The following GNG7 variants were observed in gnomAD, a reference collection of about 807,000 sequenced individuals.
The protein encoded by GNG7 is guanine nucleotide-binding protein G(I)/G(S)/G(O) subunit gamma-7.
GNG7 carries 1 observed loss-of-function variant against 4.0 expected under a neutral mutation model. The observed-to-expected ratio is 0.25, with a 90% CI of 0.09 to 1.18. GNG7 has a LOEUF of 1.18. Among genes scored for constraint, GNG7 ranks in the 50% most tolerant of loss-of-function variants. The probability of loss-of-function intolerance (pLI) is 0.50; values close to 1 mark genes in which losing one functional copy is unlikely to be tolerated. For missense variants in GNG7, 86 were observed against 91.9 expected, an observed-to-expected ratio of 0.94 and a Z score of 0.26; for synonymous variants, 34 against 36.9, an observed-to-expected ratio of 0.92 and a Z score of 0.29.
intron 1 of GNG7, among the ~76,000 whole-genome samples, chr19:2,647,811 T>C (rs1372987209): frequency 6.6e-6 from 1 of 152,054 alleles, no homozygotes; most frequent in Admixed American, 6.6e-5. Flanking sequence ...GAGGATCACC[T>C]GAGGTCACGA....
Position 2,540,088 on chromosome 19 carries a change from CTGTT to C in GNG7, c.-38+15057_-38+15060del, listed in dbSNP as rs1011823827. 6.9e-5 allele frequency among the ~76,000 whole-genome samples: 9 copies of C among 130,890 alleles called. No homozygotes were observed. In the East Asian group the frequency reaches 7.8e-4, roughly 11 times the overall value. The allele number at this position is 130,890 out of a possible 152,430, so 85.9% of individuals were successfully genotyped here. A position where few individuals can be genotyped will look rare whatever the true frequency, so the allele number is the denominator to read the frequency against. ...CTCCTCCCTCCCTCTCTCTCTCTCT[CTGTT>C]TCTTTCTCAATTTCTTTCTTTTCTT... On this transcript the variant is annotated intron_variant, in intron 3 of 4. Transcript: ENST00000382159.
intron 2 of GNG7, among the ~76,000 whole-genome samples, chr19:2,639,231 C>CAA (rs61023034): frequency 0.054 from 7,666 of 141,854 alleles, 463 homozygotes; most frequent in African/African-American, 0.15. Context: ...GAGACTCTGT[C>CAA]AAAAAAAAAA....
intron 3 of GNG7, among the ~76,000 whole-genome samples, chr19:2,548,586 C>T (rs1375486424): frequency 4.0e-5 from 6 of 150,796 alleles, no homozygotes; most frequent in African/African-American, 9.8e-5. Flanking sequence ...GTCAGGAGTT[C>T]GATACCAGCC....
intron 1 of GNG7, among the ~76,000 whole-genome samples, chr19:2,698,441 A>C (rs1913324167): frequency 6.6e-6 from 1 of 150,938 alleles, no homozygotes; most frequent in Non-Finnish European, 1.5e-5. Flanking sequence ...GTGTACGCCC[A>C]TAATCCCAGC....
intron 2 of GNG7, among the ~76,000 whole-genome samples, chr19:2,592,698 T>C (rs540300340): frequency 9.4e-5 from 13 of 137,616 alleles, no homozygotes; most frequent in Non-Finnish European, 2.0e-4. Flanking sequence ...GATTGCATCG[T>C]TTCACTCCAG....
At position 2,514,985 on chromosome 19, in the gene GNG7, A is replaced by C; in HGVS notation, c.*37T>G. 1 of 1,343,102 alleles carries C rather than the reference A, an allele frequency of 7.4e-7. No individual in the cohort carries two copies. Among genetic ancestry groups the C allele is most frequent in the Non-Finnish European group, 1.0e-6 (1 of 959,474 alleles). The allele number at this position is 1,343,102 out of a possible 1,614,324, so 83.2% of individuals were successfully genotyped here. ...GACAGAGACAGAGAGAGAGAGAGAG[A>C]AAGAGAGAGAGAGAGAGAGAACATA... On this transcript the variant is annotated 3_prime_UTR_variant, in exon 5 of 5. Transcript: ENST00000382159.
intron 4 of GNG7, among the ~76,000 whole-genome samples, chr19:2,518,028 C>T (rs1414733847): frequency 6.6e-6 from 1 of 152,202 alleles, no homozygotes; most frequent in Non-Finnish European, 1.5e-5. Flanking sequence ...GGAAGCGGCC[C>T]TCCTGGACGA....
intron 2 of GNG7, among the ~76,000 whole-genome samples, chr19:2,585,240 C>T (rs1208810408): frequency 6.6e-6 from 1 of 152,066 alleles, no homozygotes; most frequent in African/African-American, 2.4e-5. Context: ...AATATGCATA[C>T]ATGCACAATT....
intron 2 of GNG7, among the ~76,000 whole-genome samples, chr19:2,588,899 T>A (rs1980757108): frequency 6.6e-6 from 1 of 152,174 alleles, no homozygotes; most frequent in African/African-American, 2.4e-5. Flanking sequence ...CAGCCGTCCC[T>A]TGCTGGCCCT....
intron 2 of GNG7, among the ~76,000 whole-genome samples, chr19:2,608,435 C>A (rs997926398): frequency 2.6e-5 from 4 of 152,190 alleles, no homozygotes; most frequent in African/African-American, 9.7e-5. Flanking sequence ...CCAGCAGGCA[C>A]ACTGACGGCC....
intron 2 of GNG7, among the ~76,000 whole-genome samples, chr19:2,628,304 T>C (rs1337319299): frequency 2.0e-5 from 3 of 152,162 alleles, no homozygotes; most frequent in East Asian, 1.9e-4. Context: ...TGAGCTAGTT[T>C]GGTTATCGGC....
intron 2 of GNG7, chr19:2,642,679 G>C (rs1982540018): frequency 7.3e-6 from 3 of 411,288 alleles, no homozygotes; most frequent in Admixed American, 5.4e-5. Context: ...TTTCTGTAGA[G>C]TTTAGGATAT....
rs187278797 is a variant in GNG7 at position 2,514,609 on chromosome 19, C to T, written c.*413G>A. On this transcript the variant is annotated 3_prime_UTR_variant, in exon 5 of 5. Coordinates refer to ENST00000382159, the MANE Select transcript of GNG7 (RefSeq NM_052847.3). ...TCTTTTTACCAATGGCCAATTCTCC[C>T]GGAACTATTGCCACCGGGCGAAGTC... 9 of 160,944 alleles carry T rather than the reference C, an allele frequency of 5.6e-5. No individual in the cohort carries two copies. In the East Asian group the frequency reaches 1.4e-3, roughly 25 times the overall value. 10.0% of individuals were successfully genotyped at this position (160,944 alleles called of 1,614,324 possible).
rs557832853 is a variant in GNG7, at chr19:2,570,325, A to C, written c.-77-15137T>G. ...GTCTGTAGAACTGTGAACCAGATAA[A>C]CTTCTATGCTTTATAAACCCCTCAG... On this transcript the variant is annotated intron_variant, in intron 2 of 4. Transcript: ENST00000382159. Among the ~76,000 whole-genome samples the C allele has an allele frequency of 9.0e-4, 137 of 152,196 alleles. 1 individual carries two copies. Among genetic ancestry groups the C allele is most frequent in the African/African-American group, 3.1e-3 (129 of 41,522 alleles).
intron 4 of GNG7, among the ~76,000 whole-genome samples, chr19:2,517,990 C>A (rs1260822653): frequency 6.6e-6 from 1 of 152,194 alleles, no homozygotes; most frequent in Non-Finnish European, 1.5e-5. Context: ...ATGACTCGGA[C>A]CTGGCCTGCT....
chr19:2,519,602 T>TTTTA (rs1978297661), intron 4 of GNG7, among the ~76,000 whole-genome samples: 1 of 151,230 alleles, frequency 6.6e-6, no homozygotes, highest in African/African-American at 2.4e-5. Flanking sequence ...GCAAAATTTT[T>TTTTA]TTTTTTTTTT....
intron 2 of GNG7, among the ~76,000 whole-genome samples, chr19:2,582,415 A>G (rs1360188267): frequency 2.0e-5 from 3 of 152,142 alleles, no homozygotes; most frequent in Non-Finnish European, 4.4e-5. Context: ...CATTATGAAA[A>G]CTTTCAAGCT....
intron 1 of GNG7, among the ~76,000 whole-genome samples, chr19:2,700,196 C>T (rs541438777): frequency 6.6e-6 from 1 of 150,768 alleles, no homozygotes; most frequent in Non-Finnish European, 1.5e-5. Context: ...GGCTGGAGTG[C>T]AATGGCGTGA....
In GNG7 at chr19:2,657,353, AAAAAAAAAATATATATAT is replaced by A. The variant is rs1243749129; in HGVS notation, c.-134-11091_-134-11074del. Among the ~76,000 whole-genome samples the A allele has an allele frequency of 9.5e-3, 197 of 20,776 alleles. 9 individuals carry two copies. The highest frequency in any genetic ancestry group is 0.083 in the Middle Eastern group (5 of 60). The allele number at this position is 20,776 out of a possible 152,430, so 13.6% of individuals were successfully genotyped here. A position where few individuals can be genotyped will look rare whatever the true frequency, so the allele number is the denominator to read the frequency against. ...CGTCTCAATTAAAAAAAAAAAAAAA[AAAAAAAAAATATATATAT>A]ATATATATATATATATATATATATA... On this transcript the variant is annotated intron_variant, in intron 1 of 4. Coordinates refer to ENST00000382159, the MANE Select transcript of GNG7 (RefSeq NM_052847.3).
Sources: allele counts gnomAD v4.1 joint callset (sites outside exome capture counted in the v4.1 genomes callset), GRCh38; gene constraint gnomAD v4.1.1; transcripts MANE v1.5; gene names NCBI Gene and HGNC (gene_info 2026-07-23, HGNC 2026-07-21).